Variants in GPC6 observed in about 807,000 individuals in gnomAD.
GPC6 encodes the protein glypican-6.
Under a neutral mutation model 55.2 loss-of-function variants are expected in GPC6, and 14 were observed. The ratio of observed to expected loss-of-function variants is 0.25; its 90% confidence interval spans 0.17 to 0.40. The LOEUF (loss-of-function observed/expected upper bound fraction) is 0.40, where lower values mean the gene tolerates loss of function less well. Ranked by LOEUF, GPC6 falls within the 10% of genes least tolerant of loss-of-function variation. The probability of loss-of-function intolerance (pLI) is 1.00; values close to 1 mark genes in which losing one functional copy is unlikely to be tolerated. For synonymous variants in GPC6, 278 were observed against 259.6 expected (o/e 1.07, Z -0.68); for missense variants, 641 against 708.5 (o/e 0.90, Z 1.08).
chr13:94,354,050 G>A (rs1287421135), intron 6 of GPC6, among the ~76,000 whole-genome samples: 1 of 152,186 alleles, frequency 6.6e-6, no homozygotes, highest in African/African-American at 2.4e-5. Context: ...ATGGCTACAT[G>A]TGCTTGATAA....
At chr13:93,607,836 A>G (rs757500337) in intron 2 of GPC6, among the ~76,000 whole-genome samples, 2 of 152,062 alleles carry the variant, frequency 1.3e-5, no homozygotes, top group Admixed American at 6.5e-5. Context: ...GCTATACACA[A>G]TGGGACTTAC....
At chr13:93,736,627 T>A (rs535116289) in intron 2 of GPC6, among the ~76,000 whole-genome samples, 30 of 152,316 alleles carry the variant, frequency 2.0e-4, no homozygotes, top group African/African-American at 7.0e-4. Context: ...AAATTAATTT[T>A]TAAATTAAAT....
At chr13:94,045,863 A>G (rs1412070883) in intron 4 of GPC6, among the ~76,000 whole-genome samples, 1 of 152,018 alleles carries the variant, frequency 6.6e-6, no homozygotes, top group East Asian at 1.9e-4. Context: ...TGTCCATAAT[A>G]TTAGTTAATG....
At chr13:94,038,043 A>T (rs1033479707) in intron 4 of GPC6, among the ~76,000 whole-genome samples, 20 of 152,090 alleles carry the variant, frequency 1.3e-4, no homozygotes, top group African/African-American at 4.8e-4. Flanking sequence ...CAATGTGGCT[A>T]GTGTGCCTTA....
chr13:94,296,001 A>C (rs1014165941), intron 5 of GPC6, among the ~76,000 whole-genome samples: 1 of 151,742 alleles, frequency 6.6e-6, no homozygotes, highest in African/African-American at 2.4e-5. Flanking sequence ...TGATGACTTC[A>C]TTACCTAGCA....
chr13:93,763,452 T>C (rs1332710477), intron 2 of GPC6, among the ~76,000 whole-genome samples: 1 of 152,170 alleles, frequency 6.6e-6, no homozygotes, highest in African/African-American at 2.4e-5. Flanking sequence ...CCCTATCCTC[T>C]CATATCATAG....
intron 3 of GPC6, among the ~76,000 whole-genome samples, chr13:93,897,796 C>G (rs1194732675): frequency 6.6e-6 from 1 of 152,114 alleles, no homozygotes; most frequent in Non-Finnish European, 1.5e-5. Flanking sequence ...ATATGTGGTA[C>G]ATAAGTGATA....
At chr13:94,338,364 T>C (rs1243448397) in intron 6 of GPC6, among the ~76,000 whole-genome samples, 1 of 152,302 alleles carries the variant, frequency 6.6e-6, no homozygotes, top group East Asian at 1.9e-4. Flanking sequence ...AGATGACCAA[T>C]CCTGCTTGCC....
At chr13:93,364,692 TATATACACACACAC>T (rs1161960408) in intron 1 of GPC6, among the ~76,000 whole-genome samples, 26 of 142,182 alleles carry the variant, frequency 1.8e-4, no homozygotes, top group African/African-American at 6.7e-4. Context: ...TGTGTATATA[TATATACACACACAC>T]ATATATATAC....
intron 4 of GPC6, among the ~76,000 whole-genome samples, chr13:94,160,267 G>T (rs1208521697): frequency 1.3e-5 from 2 of 152,136 alleles, no homozygotes; most frequent in East Asian, 1.9e-4. Context: ...AGAAAAAAAT[G>T]TAGTATACAT....
At chr13:93,355,963 G>A (rs1460453612) in intron 1 of GPC6, among the ~76,000 whole-genome samples, 1 of 152,156 alleles carries the variant, frequency 6.6e-6, no homozygotes, top group African/African-American at 2.4e-5. Context: ...TGTGATATTG[G>A]ACACAGGGAA....
intron 4 of GPC6, among the ~76,000 whole-genome samples, chr13:94,097,231 G>A (rs888096941): frequency 6.6e-6 from 1 of 152,072 alleles, no homozygotes; most frequent in Non-Finnish European, 1.5e-5. Context: ...GGCAGGGCGC[G>A]GTGGCTCAGG....
At chr13:93,473,041 G>A (rs922603306) in intron 1 of GPC6, among the ~76,000 whole-genome samples, 6 of 152,152 alleles carry the variant, frequency 3.9e-5, no homozygotes, top group African/African-American at 1.4e-4. Flanking sequence ...GGGCTTTTAT[G>A]GGCCTCACAT....
At chr13:94,305,109 G>A (rs1875873774) in intron 5 of GPC6, among the ~76,000 whole-genome samples, 1 of 152,198 alleles carries the variant, frequency 6.6e-6, no homozygotes, top group East Asian at 1.9e-4. Context: ...AAATCATCCT[G>A]TGGAGTAACT....
Position 93,529,799 on chromosome 13 carries a change from G to A in GPC6, c.161-15464G>A, listed in dbSNP as rs544431818. Reference sequence around the variant, plus strand: ...CAAAGTGCTGGGATTACAGGCATGAGCCACCGCGCCTGGCTGTCTCTGAGA... The same window carrying A: ...CAAAGTGCTGGGATTACAGGCATGAACCACCGCGCCTGGCTGTCTCTGAGA... On this transcript the variant is annotated intron_variant, in intron 1 of 8. Coordinates refer to ENST00000377047, the MANE Select transcript of GPC6 (RefSeq NM_005708.5). Among the ~76,000 whole-genome samples, 14 of 152,200 alleles carry A rather than the reference G, an allele frequency of 9.2e-5. 1 individual carries two copies. In the South Asian group the frequency reaches 2.9e-3, roughly 32 times the overall value.
At chr13:93,831,530 A>G (rs551737395) in intron 3 of GPC6, among the ~76,000 whole-genome samples, 160 of 150,236 alleles carry the variant, frequency 1.1e-3, no homozygotes, top group Admixed American at 1.8e-3. Context: ...ATTTTTCATA[A>G]CTATTGGTAC....
At chr13:93,831,639 A>G (rs572464372) in intron 3 of GPC6, among the ~76,000 whole-genome samples, 3 of 151,292 alleles carry the variant, frequency 2.0e-5, no homozygotes, top group South Asian at 4.2e-4. Context: ...ATGTTTCTCT[A>G]TTGCACTGTC....
intron 4 of GPC6, among the ~76,000 whole-genome samples, chr13:94,242,586 C>A (rs1057113809): frequency 6.6e-6 from 1 of 152,020 alleles, no homozygotes; most frequent in African/African-American, 2.4e-5. Context: ...AGAAATCAGA[C>A]CATTCATTTT....
intron 3 of GPC6, among the ~76,000 whole-genome samples, chr13:93,943,472 C>T (rs915781434): frequency 6.6e-6 from 1 of 152,124 alleles, no homozygotes; most frequent in African/African-American, 2.4e-5. Context: ...TCGCTTGCAT[C>T]CCAATTCTGG....
Sources: gnomAD v4.1 joint callset for allele counts (sites outside exome capture counted in the v4.1 genomes callset) on GRCh38, gnomAD v4.1.1 for gene constraint, MANE v1.5 for transcripts, NCBI Gene and HGNC (gene_info 2026-07-23, HGNC 2026-07-21) for gene names.